MCC: variants seen among roughly 807,000 people sequenced by gnomAD.
MCC encodes colorectal mutant cancer protein.
In MCC, 90 loss-of-function variants were observed where a neutral mutation model predicts 116.2. The ratio of observed to expected loss-of-function variants is 0.77; its 90% CI spans 0.65 to 0.92. MCC has a LOEUF of 0.92. Among genes scored for constraint, MCC ranks in the 40% least tolerant of loss-of-function variants. MCC has a pLI of 0.00. For missense variants in MCC, 1,516 were observed against 1,312.2 expected, an observed-to-expected ratio of 1.16 and a Z score of -2.40; for synonymous variants, 578 against 510.5, an observed-to-expected ratio of 1.13 and a Z score of -1.78.
At chr5:113,160,938 C>A in intron 3 of MCC, among the ~76,000 whole-genome samples, 1 of 151,918 alleles carries the variant, frequency 6.6e-6, no homozygotes, top group Non-Finnish European at 1.5e-5. Context: ...TTAAAGACTA[C>A]AGAAAAGGAA....
intron 1 of MCC, among the ~76,000 whole-genome samples, chr5:113,460,441 C>T (rs1771712086): frequency 6.6e-6 from 1 of 152,196 alleles, no homozygotes; most frequent in Non-Finnish European, 1.5e-5. Context: ...ATTCCCTCCT[C>T]TTTACCTTGT....
At chr5:113,447,393 A>C (rs1771254086) in intron 1 of MCC, among the ~76,000 whole-genome samples, 1 of 152,184 alleles carries the variant, frequency 6.6e-6, no homozygotes, top group African/African-American at 2.4e-5. Flanking sequence ...CATGCTTGTT[A>C]TGTACAATTT....
intron 1 of MCC, among the ~76,000 whole-genome samples, chr5:113,401,582 C>T (rs924362760): frequency 1.3e-5 from 2 of 152,072 alleles, no homozygotes; most frequent in African/African-American, 4.8e-5. Context: ...TCATTTGAAC[C>T]TGTATGTCTG....
chr5:113,483,840 T>C (rs1160813006), intron 1 of MCC, among the ~76,000 whole-genome samples: 5 of 152,104 alleles, frequency 3.3e-5, no homozygotes, highest in African/African-American at 9.7e-5. Context: ...GGTATGTATA[T>C]GCCATGTGAT....
intron 3 of MCC, among the ~76,000 whole-genome samples, chr5:113,188,414 A>G (rs1762003685): frequency 6.6e-6 from 1 of 152,234 alleles, no homozygotes. Flanking sequence ...ACTCACAGTT[A>G]GAATTTATTC....
chr5:113,080,256 G>A (rs1454796366), intron 11 of MCC, among the ~76,000 whole-genome samples: 3 of 152,194 alleles, frequency 2.0e-5, no homozygotes, highest in Admixed American at 6.5e-5. Context: ...GATTCCTCAA[G>A]GATCTAGAAC....
At chr5:113,196,988 C>T (rs890406429) in intron 3 of MCC, among the ~76,000 whole-genome samples, 5 of 152,188 alleles carry the variant, frequency 3.3e-5, no homozygotes, top group Admixed American at 1.3e-4. Flanking sequence ...ATAAAAGATG[C>T]AGTGTCTGCC....
intron 1 of MCC, among the ~76,000 whole-genome samples, chr5:113,455,287 G>T (rs3843501): frequency 6.6e-6 from 1 of 152,060 alleles, no homozygotes; most frequent in Non-Finnish European, 1.5e-5. Context: ...CCACCTGCCT[G>T]CTAGCCCATA....
At chr5:113,471,987 GTGCCGTT>G (rs1191185098) in intron 1 of MCC, among the ~76,000 whole-genome samples, 1 of 152,126 alleles carries the variant, frequency 6.6e-6, no homozygotes, top group Non-Finnish European at 1.5e-5. Context: ...ATCTCCTGGT[GTGCCGTT>G]TTTTAAGCCC....
intron 2 of MCC, among the ~76,000 whole-genome samples, chr5:113,376,561 T>C (rs1162745285): frequency 7.2e-6 from 1 of 138,778 alleles, no homozygotes; most frequent in Non-Finnish European, 1.5e-5. Context: ...AATCTCCTAG[T>C]TGCCATATTT....
chr5:113,246,835 A>G (rs1469127198), intron 3 of MCC, among the ~76,000 whole-genome samples: 1 of 152,248 alleles, frequency 6.6e-6, no homozygotes, highest in African/African-American at 2.4e-5. Flanking sequence ...CAGTGTTTCC[A>G]AATCCAATCA....
chr5:113,327,400 G>T (rs926322579), intron 3 of MCC, among the ~76,000 whole-genome samples: 3 of 151,164 alleles, frequency 2.0e-5, no homozygotes, highest in Non-Finnish European at 4.4e-5. Flanking sequence ...TAAAAAATTT[G>T]CCGGGTGTGG....
At position 113,023,147 on chromosome 5, in the gene MCC, T is replaced by TA. The variant is rs1187286630; in HGVS notation, c.*4154dup. The TA allele has an allele frequency of 7.2e-5, 11 of 152,206 alleles. No homozygotes were observed. Among genetic ancestry groups the TA allele is most frequent in the African/African-American group, 2.7e-4 (11 of 41,458 alleles). 9.4% of individuals were successfully genotyped at this position (152,206 alleles called of 1,614,324 possible). A position where few individuals can be genotyped will look rare whatever the true frequency, so the allele number is the denominator to read the frequency against. On this transcript the variant is annotated 3_prime_UTR_variant, in exon 19 of 19. Coordinates refer to ENST00000408903, the MANE Select transcript of MCC (RefSeq NM_001085377.2). ...CTTAGAGAATACAAATGTATTAAGT[T>TA]AGAGTAATTTCAGGTGTGTTAAACA...
intron 3 of MCC, among the ~76,000 whole-genome samples, chr5:113,245,679 C>G (rs1163028994): frequency 4.0e-5 from 6 of 151,610 alleles, no homozygotes; most frequent in Non-Finnish European, 2.9e-5. Flanking sequence ...TTCTCAGTTT[C>G]AGCTTCTCAG....
At chr5:113,439,469 G>T (rs1290719630) in intron 1 of MCC, among the ~76,000 whole-genome samples, 1 of 152,230 alleles carries the variant, frequency 6.6e-6, no homozygotes, top group Non-Finnish European at 1.5e-5. Context: ...ACCTTTATTA[G>T]ATGACAAATG....
At position 113,224,498 on chromosome 5, in the gene MCC, G is replaced by T. The variant is rs1317172381; in HGVS notation, c.628-73076C>A. On this transcript the variant is annotated intron_variant, in intron 3 of 18. Transcript: ENST00000408903. ...ACAAAAACGCCTGTTTTCCTCACAG[G>T]AACTGCCCTCGTCCTTAAGCATTTT... Among the ~76,000 whole-genome samples, 3 of 152,272 alleles carry T rather than the reference G, an allele frequency of 2.0e-5. No homozygotes were observed. In the South Asian group the frequency reaches 6.2e-4, roughly 32 times the overall value.
chr5:113,248,227 T>C (rs1483390319), intron 3 of MCC, among the ~76,000 whole-genome samples: 1 of 130,490 alleles, frequency 7.7e-6, no homozygotes, highest in Non-Finnish European at 1.6e-5. Flanking sequence ...TGAGACCTTG[T>C]ATCTATTTAA....
intron 6 of MCC, among the ~76,000 whole-genome samples, chr5:113,121,337 G>C (rs974421159): frequency 8.5e-5 from 13 of 152,196 alleles, no homozygotes; most frequent in African/African-American, 2.9e-4. Context: ...GTGGATCTTT[G>C]GGTAAAGGCC....
intron 3 of MCC, among the ~76,000 whole-genome samples, chr5:113,239,604 G>A (rs571397559): frequency 5.3e-5 from 8 of 152,296 alleles, no homozygotes; most frequent in Non-Finnish European, 8.8e-5. Context: ...AAGGAACTCC[G>A]TAGTAATGTC....
Sources: allele counts gnomAD v4.1 joint callset (sites outside exome capture counted in the v4.1 genomes callset), GRCh38; gene constraint gnomAD v4.1.1; transcripts MANE v1.5; gene names NCBI Gene and HGNC (gene_info 2026-07-23, HGNC 2026-07-21).